GMDS: variants seen among roughly 807,000 people sequenced by gnomAD.
The protein encoded by GMDS is GDP-mannose 4,6-dehydratase, also known as GDP-mannose 4,6 dehydratase.
GMDS carries 20 observed loss-of-function variants against 49.9 expected under a neutral mutation model. That is an observed-to-expected ratio of 0.40 (90% CI 0.28 to 0.58). The LOEUF (loss-of-function observed/expected upper bound fraction) is 0.58. Among genes scored for constraint, GMDS ranks in the 20% least tolerant of loss-of-function variants. The pLI is 0.42. For missense variants in GMDS, 362 were observed against 481.4 expected (o/e 0.75, Z 2.32); for synonymous variants, 177 against 178.6 (o/e 0.99, Z 0.07).
intron 7 of GMDS, among the ~76,000 whole-genome samples, chr6:1,819,519 G>A (rs1770799284): frequency 6.6e-6 from 1 of 152,036 alleles, no homozygotes; most frequent in African/African-American, 2.4e-5. Flanking sequence ...CCAGCACTTT[G>A]GGAGGCTGAG....
intron 9 of GMDS, among the ~76,000 whole-genome samples, chr6:1,655,760 C>T (rs549483385): frequency 2.2e-4 from 33 of 152,352 alleles, no homozygotes; most frequent in African/African-American, 7.2e-4. Flanking sequence ...CCACCTCAGC[C>T]TCCCAAAGTG....
At chr6:1,814,351 A>T (rs1170518679) in intron 7 of GMDS, among the ~76,000 whole-genome samples, 2 of 151,964 alleles carry the variant, frequency 1.3e-5, no homozygotes, top group African/African-American at 4.8e-5. Context: ...AGAGGTGTGC[A>T]TTTTGGGACT....
intron 7 of GMDS, among the ~76,000 whole-genome samples, chr6:1,877,045 A>C (rs941069863): frequency 3.9e-5 from 6 of 152,126 alleles, no homozygotes; most frequent in Admixed American, 3.9e-4. Context: ...GCAGGGTAAG[A>C]CTTTTTTCCC....
intron 7 of GMDS, among the ~76,000 whole-genome samples, chr6:1,768,248 A>G (rs1427847342): frequency 1.3e-5 from 2 of 152,254 alleles, no homozygotes; most frequent in African/African-American, 4.8e-5. Flanking sequence ...ATACAATGTC[A>G]TAGAGACATG....
In GMDS at chr6:1,914,466, C is replaced by CA. The variant is rs551319674; in HGVS notation, c.771+15636dup. 0.02 allele frequency among the ~76,000 whole-genome samples: 2,130 copies of CA among 104,138 alleles called. 103 individuals carry two copies. In the East Asian group the frequency reaches 0.24, roughly 12 times the overall value. The allele number at this position is 104,138 out of a possible 152,430, so 68.3% of individuals were successfully genotyped here. ...TGGGCAACAGAGCAAGACTCTGTCTCAAAAAAAAAAAAAAGAAAAAAAAGA... is the reference window on the plus strand; with the variant it reads ...TGGGCAACAGAGCAAGACTCTGTCTCAAAAAAAAAAAAAAAGAAAAAAAAGA... On this transcript the variant is annotated intron_variant, in intron 7 of 10. Coordinates refer to ENST00000380815, the MANE Select transcript of GMDS (RefSeq NM_001500.4).
chr6:2,165,596 G>T (rs1777624666), intron 1 of GMDS, among the ~76,000 whole-genome samples: 1 of 152,198 alleles, frequency 6.6e-6, no homozygotes, highest in Non-Finnish European at 1.5e-5. Flanking sequence ...CACCCAGAAT[G>T]TCTGACCAAA....
chr6:1,640,000 T>C (rs929307079), intron 9 of GMDS, among the ~76,000 whole-genome samples: 14 of 152,228 alleles, frequency 9.2e-5, no homozygotes, highest in Admixed American at 3.3e-4. Context: ...TGTTGAATGA[T>C]ATCGACCAAT....
At chr6:1,877,121 G>A (rs1285740699) in intron 7 of GMDS, among the ~76,000 whole-genome samples, 1 of 151,956 alleles carries the variant, frequency 6.6e-6, no homozygotes, top group African/African-American at 2.4e-5. Context: ...GGTGATGGAA[G>A]GGAATGAATT....
At chr6:2,089,866 G>A (rs1307036950) in intron 4 of GMDS, among the ~76,000 whole-genome samples, 3 of 152,240 alleles carry the variant, frequency 2.0e-5, no homozygotes, top group Non-Finnish European at 1.5e-5. Context: ...CCTGCTCTGC[G>A]TAGCACAAAA....
At chr6:1,674,704 C>T (rs1764554610) in intron 9 of GMDS, among the ~76,000 whole-genome samples, 1 of 141,112 alleles carries the variant, frequency 7.1e-6, no homozygotes, top group African/African-American at 2.6e-5. Context: ...GTAGCTGGGA[C>T]ACCCAGCTAA....
In GMDS at chr6:1,904,877, G is replaced by C. The variant is rs146708555; in HGVS notation, c.771+25226C>G. 1.1e-4 allele frequency among the ~76,000 whole-genome samples: 17 copies of C among 152,308 alleles called. No homozygotes were observed. In the East Asian group the frequency reaches 3.3e-3, roughly 29 times the overall value. ...ATGGACCTGTCCCCAGTGTCACATGGTTGACAAAGGGCAACGTCAACAATT... is the reference window on the plus strand; with the variant it reads ...ATGGACCTGTCCCCAGTGTCACATGCTTGACAAAGGGCAACGTCAACAATT... On this transcript the variant is annotated intron_variant, in intron 7 of 10. Coordinates refer to ENST00000380815, the MANE Select transcript of GMDS (RefSeq NM_001500.4).
At chr6:2,078,197 T>C (rs1192892443) in intron 4 of GMDS, among the ~76,000 whole-genome samples, 1 of 152,100 alleles carries the variant, frequency 6.6e-6, no homozygotes, top group African/African-American at 2.4e-5. Context: ...GATTTATCAA[T>C]TTTGTGTCTT....
At position 1,834,022 on chromosome 6, in the gene GMDS, G is replaced by A. The variant is rs749472151; in HGVS notation, c.772-91436C>T. ...ATCACAAAGTCAGAGCTTAGGTTCT[G>A]GTTAAAATTTACAAAAAAATTAAAT... On this transcript the variant is annotated intron_variant, in intron 7 of 10. Transcript: ENST00000380815. Among the ~76,000 whole-genome samples, 55 of 152,038 alleles carry A rather than the reference G, an allele frequency of 3.6e-4. 1 individual carries two copies. The highest frequency in any genetic ancestry group is 3.9e-4 in the Admixed American group (6 of 15,264).
At chr6:2,141,975 G>A (rs531096218) in intron 1 of GMDS, among the ~76,000 whole-genome samples, 1 of 151,074 alleles carries the variant, frequency 6.6e-6, no homozygotes, top group Non-Finnish European at 1.5e-5. Context: ...ATACATTTTG[G>A]TTCCACTGGT....
Position 1,888,139 on chromosome 6 carries a change from T to A in GMDS, c.771+41964A>T, listed in dbSNP as rs1169399352. Among the ~76,000 whole-genome samples the A allele has an allele frequency of 1.1e-4, 16 of 144,280 alleles. No homozygotes were observed. The East Asian group carries it at 1.3e-3, about 11-fold the overall frequency. 94.7% of individuals were successfully genotyped at this position (144,280 alleles called of 152,430 possible). On this transcript the variant is annotated intron_variant, in intron 7 of 10. Coordinates refer to ENST00000380815, the MANE Select transcript of GMDS (RefSeq NM_001500.4). Reference sequence around the variant, plus strand: ...ATTTTTTTATTATTATTATTATTTTTTTTTTTTTTTTGAAGAGATGAGGGT... The same window carrying A: ...ATTTTTTTATTATTATTATTATTTTATTTTTTTTTTTGAAGAGATGAGGGT...
chr6:1,914,131 G>GTTTTTTTTTT (rs563808537), intron 7 of GMDS, among the ~76,000 whole-genome samples: 2 of 77,856 alleles, frequency 2.6e-5, no homozygotes, highest in African/African-American at 9.2e-5. Context: ...TTTTTTGTTT[G>GTTTTTTTTTT]TTTTTTTTTT....
intron 7 of GMDS, among the ~76,000 whole-genome samples, chr6:1,899,745 G>C (rs1209765317): frequency 6.6e-6 from 1 of 152,222 alleles, no homozygotes; most frequent in African/African-American, 2.4e-5. Flanking sequence ...ATTTGGCAGT[G>C]AAGGAGTAGA....
Position 2,188,276 on chromosome 6 carries a change from G to A in GMDS, c.102+57045C>T, listed in dbSNP as rs556170060. Among the ~76,000 whole-genome samples the A allele has an allele frequency of 1.2e-4, 18 of 152,278 alleles. No homozygotes were observed. In the South Asian group the frequency reaches 3.7e-3, roughly 32 times the overall value. On this transcript the variant is annotated intron_variant, in intron 1 of 10. Transcript: ENST00000380815. ...TCCAATTTAGCTGAAATGCATCAAT[G>A]GCCAAAAAATAATTTTAGCTTTCTT...
At chr6:1,781,649 C>T (rs950379958) in intron 7 of GMDS, among the ~76,000 whole-genome samples, 1 of 152,208 alleles carries the variant, frequency 6.6e-6, no homozygotes, top group East Asian at 1.9e-4. Context: ...GCCTTAAGCC[C>T]TCTGAATTGT....
Sources: gnomAD v4.1 joint callset for allele counts (sites outside exome capture counted in the v4.1 genomes callset) on GRCh38, gnomAD v4.1.1 for gene constraint, MANE v1.5 for transcripts, NCBI Gene and HGNC (gene_info 2026-07-23, HGNC 2026-07-21) for gene names.